Variants in TAC3 observed in about 807,000 individuals in gnomAD.
TAC3 encodes tachykinin-3.
In TAC3, 9 loss-of-function variants were observed where a neutral mutation model predicts 16.5. The observed-to-expected ratio is 0.55, with a 90% confidence interval of 0.33 to 0.95. The LOEUF (loss-of-function observed/expected upper bound fraction) is 0.95. Ranked by LOEUF, TAC3 falls within the 40% of genes least tolerant of loss-of-function variation. TAC3 has a pLI of 0.03. For missense variants in TAC3, 129 were observed against 149.1 expected, an observed-to-expected ratio of 0.87 and a Z score of 0.70; for synonymous variants, 52 against 56.7, an observed-to-expected ratio of 0.92 and a Z score of 0.37.
At chr12:57,011,043 G>A (rs1307831558) in intron 6 of TAC3, 1 of 152,596 alleles carries the variant, frequency 6.6e-6, no homozygotes, top group Non-Finnish European at 1.5e-5. Context: ...ATGTCATCCA[G>A]ATATAGCTGC....
At chr12:57,013,029 A>C in intron 4 of TAC3, 154 bp from the exon 5 acceptor site, 1 of 932,152 alleles carries the variant, frequency 1.1e-6, no homozygotes, top group Non-Finnish European at 1.7e-6. Flanking sequence ...CCTCCCCTAA[A>C]CCCACTCTCT....
chr12:57,013,285 TG>T (rs1175214381), intron 4 of TAC3, 73 bp downstream of exon 4: 2 of 1,560,116 alleles, frequency 1.3e-6, no homozygotes, highest in East Asian at 4.5e-5. Flanking sequence ...CTGGACAAAA[TG>T]GCCCCTGGGC....
intron 1 of TAC3, among the ~76,000 whole-genome samples, chr12:57,016,098 AC>A (rs1956370308): frequency 6.6e-6 from 1 of 152,202 alleles, no homozygotes; most frequent in Admixed American, 6.5e-5. Flanking sequence ...GATTTGTAGG[AC>A]ATGGACTGGT....
chr12:57,012,661 T>C (rs1232157864), intron 5 of TAC3, 161 bp downstream of exon 5: 2 of 1,612,854 alleles, frequency 1.2e-6, no homozygotes, highest in Admixed American at 1.7e-5. Context: ...GGGAAGACTT[T>C]CCTGTGGATC....
chr12:57,011,568 G>C (rs1348881216), intron 6 of TAC3, among the ~76,000 whole-genome samples: 1 of 152,188 alleles, frequency 6.6e-6, no homozygotes, highest in African/African-American at 2.4e-5. Flanking sequence ...GAGCCAGTCA[G>C]GGGAAACATT....
intron 4 of TAC3, 79 bp downstream of exon 4, chr12:57,013,280 C>T: frequency 5.8e-6 from 9 of 1,552,414 alleles, no homozygotes; most frequent in Non-Finnish European, 8.0e-6. Context: ...AGGGGCTGGA[C>T]AAAATGGCCC....
In TAC3 at chr12:57,016,220, C is replaced by T. The variant is rs543591126; in HGVS notation, c.-6+167G>A. Among the ~76,000 whole-genome samples, 237 of 152,342 alleles carry T rather than the reference C, an allele frequency of 1.6e-3. 1 individual carries two copies. The highest frequency in any genetic ancestry group is 5.5e-3 in the African/African-American group (230 of 41,568). On this transcript the variant is annotated intron_variant, in intron 1 of 6. Coordinates refer to ENST00000458521, the MANE Select transcript of TAC3 (RefSeq NM_013251.4). Reference sequence around the variant, plus strand: ...GTATGAAAGAATGAGTCTGTAGCCACAGGCTCCAAACACCAACCAGCTCTC... The same window carrying T: ...GTATGAAAGAATGAGTCTGTAGCCATAGGCTCCAAACACCAACCAGCTCTC...
chr12:57,011,959 T>C lies in TAC3; in HGVS notation c.*1+419A>G, dbSNP rs902699214. Among the ~76,000 whole-genome samples the C allele has an allele frequency of 4.6e-5, 7 of 152,368 alleles. No homozygotes were observed. The East Asian group carries it at 9.6e-4, about 21-fold the overall frequency. Reference sequence around the variant, plus strand: ...CCCGTAACCCAGGATTCTGAGTGATTTGAAAGGCTCAGCCTGCCTGGGAGG... The same window carrying C: ...CCCGTAACCCAGGATTCTGAGTGATCTGAAAGGCTCAGCCTGCCTGGGAGG... On this transcript the variant is annotated intron_variant, in intron 6 of 6. Coordinates refer to ENST00000458521, the MANE Select transcript of TAC3 (RefSeq NM_013251.4).
intron 2 of TAC3, among the ~76,000 whole-genome samples, chr12:57,013,951 G>T (rs1046076033): frequency 2.6e-5 from 4 of 152,138 alleles, no homozygotes; most frequent in Admixed American, 2.0e-4. Flanking sequence ...AGCCCCCCAG[G>T]TGATTCACAT....
In TAC3 at chr12:57,013,560, C is replaced by G. The variant is rs1956331745; in HGVS notation, c.208+18G>C. ...AATCCTGCCCCTCATTCCCCTCTCCCCTAGGGCCGCCTCCTACCTGTGCTA... is the reference window on the plus strand; with the variant it reads ...AATCCTGCCCCTCATTCCCCTCTCCGCTAGGGCCGCCTCCTACCTGTGCTA... On this transcript the variant is annotated intron_variant, in intron 3 of 6. Transcript: ENST00000458521. The G allele has an allele frequency of 6.2e-7, 1 of 1,611,496 alleles. No homozygotes were observed. Among genetic ancestry groups the G allele is most frequent in the Non-Finnish European group, 8.5e-7 (1 of 1,179,034 alleles).
rs764940596 is a variant in TAC3, at chr12:57,012,472, G to A, written c.293-20C>T. ...GAGAGTCTAGGGTAAAGCGAACAGT[G>A]TAAGTAAGAGGGATCTTTCTGAATG... On this transcript the variant is annotated intron_variant, in intron 5 of 6. Transcript: ENST00000458521. 5.6e-6 allele frequency: 9 copies of A among 1,613,646 alleles called. No individual in the cohort carries two copies.
chr12:57,012,809 C>A lies in TAC3; in HGVS notation c.292+13G>T. On this transcript the variant is annotated intron_variant, in intron 5 of 6. Coordinates refer to ENST00000458521, the MANE Select transcript of TAC3 (RefSeq NM_013251.4). ...ACCCTAAGCCCTTCCACTGTACCTCCACACACTCCTACCTGGCTGGACGCT... is the reference window on the plus strand; with the variant it reads ...ACCCTAAGCCCTTCCACTGTACCTCAACACACTCCTACCTGGCTGGACGCT... The A allele has an allele frequency of 6.2e-7, 1 of 1,614,148 alleles. No homozygotes were observed. The highest frequency in any genetic ancestry group is 8.5e-7 in the Non-Finnish European group (1 of 1,180,012).
At position 57,016,473 on chromosome 12, in the gene TAC3, G is replaced by A. The variant is rs1956376858; in HGVS notation, c.-92C>T. Reference sequence around the variant, plus strand: ...CCGCTGCCTGCTCCCCTCACACACTGGTGCTGCCGGTGCTCCTGCAAAGAG... The same window carrying A: ...CCGCTGCCTGCTCCCCTCACACACTAGTGCTGCCGGTGCTCCTGCAAAGAG... On this transcript the variant is annotated 5_prime_UTR_variant, in exon 1 of 7. Coordinates refer to ENST00000458521, the MANE Select transcript of TAC3 (RefSeq NM_013251.4). The A allele has an allele frequency of 2.2e-6, 1 of 454,368 alleles. No homozygotes were observed. The highest frequency in any genetic ancestry group is 2.4e-5 in the Admixed American group (1 of 42,546). 28.1% of individuals were successfully genotyped at this position (454,368 alleles called of 1,614,324 possible). A position where few individuals can be genotyped will look rare whatever the true frequency, so the allele number is the denominator to read the frequency against.
intron 2 of TAC3, 78 bp downstream of exon 2, chr12:57,015,606 T>C: frequency 7.7e-7 from 1 of 1,290,902 alleles, no homozygotes; most frequent in Non-Finnish European, 1.1e-6. Flanking sequence ...CCACCCCAGT[T>C]TCCTCACTAC....
At chr12:57,013,273 G>T in intron 4 of TAC3, 86 bp downstream of exon 4, 3 of 1,510,552 alleles carry the variant, frequency 2.0e-6, no homozygotes, top group Non-Finnish European at 2.8e-6. Context: ...GGTGAGAAGG[G>T]GCTGGACAAA....
intron 1 of TAC3, 44 bp from the exon 2 acceptor site, chr12:57,015,846 G>C: frequency 6.5e-7 from 1 of 1,530,930 alleles, no homozygotes; most frequent in African/African-American, 1.4e-5. Flanking sequence ...GAGAGAAGAG[G>C]AAGATACAGC....
chr12:57,014,710 T>C (rs1956349186), intron 2 of TAC3, among the ~76,000 whole-genome samples: 2 of 151,968 alleles, frequency 1.3e-5, no homozygotes, highest in Non-Finnish European at 2.9e-5. Flanking sequence ...TGGGTGTTTT[T>C]TTTTTTAACG....
chr12:57,014,593 C>T (rs1364838117), intron 2 of TAC3, among the ~76,000 whole-genome samples: 1 of 152,164 alleles, frequency 6.6e-6, no homozygotes, highest in East Asian at 1.9e-4. Context: ...ATCTCATTGG[C>T]CAAGGTCTTG....
chr12:57,013,590 G>A lies in TAC3; in HGVS notation c.196C>T (p.Gln66Ter), dbSNP rs139436053. The A allele has an allele frequency of 3.7e-6, 6 of 1,613,356 alleles. No individual in the cohort carries two copies. The African/African-American group carries it at 8.0e-5, about 22-fold the overall frequency. Residue 66 changes from glutamine (Q) to a stop codon, truncating the protein, a stop_gained, in exon 3 of 7, where the codon CAG becomes TAG. Transcript: ENST00000458521. LOFTEE classifies it high-confidence loss of function. ...GGCCGCCTCCTACCTGTGCTAGCCT[G>A]GCTCAGGGCTTTGAGCAATCCCTCC... ...SLEGLLKALSQASTDPKESTS... is the reference protein window; with the variant it reads ...SLEGLLKALS
Sources: gnomAD v4.1 joint callset for allele counts (sites outside exome capture counted in the v4.1 genomes callset) on GRCh38, gnomAD v4.1.1 for gene constraint, MANE v1.5 for transcripts, NCBI Gene and HGNC (gene_info 2026-07-23, HGNC 2026-07-21) for gene names.